The following NRXN1 variants were observed in gnomAD, a reference collection of about 807,000 sequenced individuals.
NRXN1 encodes neurexin-1.
A neutral mutation model predicts 150.9 loss-of-function variants in NRXN1; 39 were observed. The observed-to-expected ratio is 0.26, with a 90% CI of 0.20 to 0.34. The LOEUF (loss-of-function observed/expected upper bound fraction) is 0.34, where lower values mean the gene tolerates loss of function less well. Among genes scored for constraint, NRXN1 ranks in the 10% least tolerant of loss-of-function variants. The pLI, the probability that NRXN1 is intolerant of heterozygous loss-of-function variation, is 1.00. For missense variants in NRXN1, 1,815 were observed against 1,949.9 expected, an observed-to-expected ratio of 0.93 and a Z score of 1.30; for synonymous variants, 924 against 757.0, an observed-to-expected ratio of 1.22 and a Z score of -3.62.
chr2:50,615,533 G>A (rs548019412), intron 8 of NRXN1: 4 of 152,252 alleles, frequency 2.6e-5, no homozygotes, highest in East Asian at 1.9e-4. Flanking sequence ...TTCTGAGGGG[G>A]AGATTAATGA....
chr2:50,534,602 T>A (rs1427361706), intron 10 of NRXN1, among the ~76,000 whole-genome samples: 3 of 152,162 alleles, frequency 2.0e-5, no homozygotes, highest in Non-Finnish European at 4.4e-5. Flanking sequence ...TTTACTTTTG[T>A]TTTTCCTAAA....
intron 5 of NRXN1, among the ~76,000 whole-genome samples, chr2:50,676,020 C>T (rs991386192): frequency 2.6e-5 from 4 of 152,084 alleles, no homozygotes; most frequent in African/African-American, 7.2e-5. Context: ...CATGTTCAAA[C>T]GTAACCTCCA....
At chr2:51,019,124 C>T (rs938996381) in intron 2 of NRXN1, among the ~76,000 whole-genome samples, 2 of 152,052 alleles carry the variant, frequency 1.3e-5, no homozygotes, top group Non-Finnish European at 2.9e-5. Context: ...AACAGCCCAG[C>T]ATCCCTTTGA....
intron 5 of NRXN1, among the ~76,000 whole-genome samples, chr2:50,760,785 G>A (rs889028174): frequency 2.0e-5 from 3 of 151,852 alleles, no homozygotes; most frequent in East Asian, 1.9e-4. Context: ...TGAAAACTCC[G>A]AGGCAGATGT....
At chr2:50,464,124 T>C (rs2104634159) in intron 17 of NRXN1, 1 of 151,818 alleles carries the variant, frequency 6.6e-6, no homozygotes, top group African/African-American at 2.4e-5. Flanking sequence ...CAAAATGGCG[T>C]TATTGTGTTT....
In NRXN1 at chr2:50,552,680, T is replaced by C; in HGVS notation, c.1666A>G (p.Met556Val). The C allele has an allele frequency of 1.9e-6, 3 of 1,613,808 alleles. No individual in the cohort carries two copies. Among genetic ancestry groups the C allele is most frequent in the Non-Finnish European group, 1.7e-6 (2 of 1,179,714 alleles). The change falls in exon 9 of 23, where the codon ATG (methionine) becomes GTG (valine). Residue 556 changes from methionine (M) to valine (V), a missense_variant. Met to Val is a conservative substitution (Grantham distance 21). Transcript: ENST00000401669. ...LDGHLYLLLDMGSGTIKIKAL... is the reference protein window; with the variant it reads ...LDGHLYLLLDVGSGTIKIKAL... The stretch of plus-strand genomic sequence containing the variant: ...TTTATTTTTATAGTACCTGACCCCA[T>C]GTCCAGGAGGAGGTAGAGGTGGCCA...
At chr2:50,793,687 T>C in intron 5 of NRXN1, among the ~76,000 whole-genome samples, 1 of 151,854 alleles carries the variant, frequency 6.6e-6, no homozygotes, top group East Asian at 1.9e-4. Flanking sequence ...AAGATAAAAA[T>C]CCAAAGGGAC....
At chr2:50,089,632 T>C (rs931851598) in intron 19 of NRXN1, among the ~76,000 whole-genome samples, 2 of 151,760 alleles carry the variant, frequency 1.3e-5, no homozygotes, top group Non-Finnish European at 1.5e-5. Context: ...TACAAAAAAA[T>C]TTTAAAAATT....
At chr2:50,610,269 T>C (rs534935843) in intron 8 of NRXN1, among the ~76,000 whole-genome samples, 1 of 152,116 alleles carries the variant, frequency 6.6e-6, no homozygotes, top group Non-Finnish European at 1.5e-5. Flanking sequence ...GGTGTTTTTC[T>C]TTTTCTTAGC....
chr2:50,013,602 T>A (rs1686073423), intron 21 of NRXN1, among the ~76,000 whole-genome samples: 1 of 152,174 alleles, frequency 6.6e-6, no homozygotes, highest in Non-Finnish European at 1.5e-5. Flanking sequence ...GTCTTATGGA[T>A]GAAATAATTT....
At chr2:50,039,728 C>A (rs72889566) in intron 21 of NRXN1, among the ~76,000 whole-genome samples, 2,789 of 152,108 alleles carry the variant, frequency 0.018, 86 homozygotes, top group African/African-American at 0.064. Context: ...AAAACTGTGA[C>A]TGGGAATTTA....
At chr2:50,705,674 C>T (rs142740769) in intron 5 of NRXN1, among the ~76,000 whole-genome samples, 6 of 152,250 alleles carry the variant, frequency 3.9e-5, no homozygotes, top group Non-Finnish European at 7.4e-5. Context: ...AATGAAGTCT[C>T]AGAAAATCAG....
rs184637458 is a variant in NRXN1, at chr2:50,134,727, G to A, written c.3547-43233C>T. Among the ~76,000 whole-genome samples the A allele has an allele frequency of 1.3e-4, 20 of 152,076 alleles. No individual in the cohort carries two copies. The East Asian group carries it at 3.9e-3, about 29-fold the overall frequency. On this transcript the variant is annotated intron_variant, in intron 18 of 22. Transcript: ENST00000401669. ...CCTTTTCCTCTTAAGTCCCCTAGCTGCAAATATTTCTTAGTGAAGTCTATT... is the reference window on the plus strand; with the variant it reads ...CCTTTTCCTCTTAAGTCCCCTAGCTACAAATATTTCTTAGTGAAGTCTATT...
At chr2:50,844,446 G>T (rs527512209) in intron 5 of NRXN1, among the ~76,000 whole-genome samples, 2 of 152,244 alleles carry the variant, frequency 1.3e-5, no homozygotes, top group South Asian at 4.1e-4. Context: ...CAGGCTGGCT[G>T]CCAGTATTTA....
chr2:50,705,335 A>G (rs1694288750), intron 5 of NRXN1, among the ~76,000 whole-genome samples: 1 of 152,146 alleles, frequency 6.6e-6, no homozygotes, highest in Admixed American at 6.6e-5. Context: ...TATTGCTTTC[A>G]ATAGATAAAA....
intron 17 of NRXN1, among the ~76,000 whole-genome samples, chr2:50,314,576 T>A (rs935446944): frequency 6.6e-6 from 1 of 151,618 alleles, no homozygotes; most frequent in Non-Finnish European, 1.5e-5. Context: ...TCTGAGTTTA[T>A]TTTTTAAATG....
chr2:50,745,514 T>C lies in NRXN1; in HGVS notation c.833-121899A>G, dbSNP rs76260536. On this transcript the variant is annotated intron_variant, in intron 5 of 22. Coordinates refer to ENST00000401669, the MANE Select transcript of NRXN1 (RefSeq NM_001330078.2). ...TAGCCTATCATTTCTGGATTCACCATATGGTTAATAGATGGTGGTGAGACA... is the reference window on the plus strand; with the variant it reads ...TAGCCTATCATTTCTGGATTCACCACATGGTTAATAGATGGTGGTGAGACA... Among the ~76,000 whole-genome samples, 1,162 of 151,514 alleles carry C rather than the reference T, an allele frequency of 7.7e-3. 14 individuals are homozygous for C. The highest frequency in any genetic ancestry group is 0.027 in the African/African-American group (1,114 of 41,358).
intron 11 of NRXN1, 44 bp from the exon 12 acceptor site, chr2:50,528,695 A>C: frequency 7.8e-7 from 1 of 1,279,278 alleles, no homozygotes; most frequent in Non-Finnish European, 1.1e-6. Flanking sequence ...TCATCCTTCA[A>C]GGTAATAGCT....
intron 5 of NRXN1, among the ~76,000 whole-genome samples, chr2:50,709,711 C>T (rs971544235): frequency 2.6e-5 from 4 of 152,112 alleles, no homozygotes; most frequent in Non-Finnish European, 4.4e-5. Flanking sequence ...TCCTGGCAGA[C>T]TTTTGGCCCA....
Sources: allele counts gnomAD v4.1 joint callset (sites outside exome capture counted in the v4.1 genomes callset), GRCh38; gene constraint gnomAD v4.1.1; transcripts MANE v1.5; gene names NCBI Gene and HGNC (gene_info 2026-07-23, HGNC 2026-07-21).